The following CACNA1C variants were observed in gnomAD, a reference collection of about 807,000 sequenced individuals.
CACNA1C encodes voltage-dependent L-type calcium channel subunit alpha-1C.
Under a neutral mutation model 229.0 loss-of-function variants are expected in CACNA1C, and 30 were observed. The observed-to-expected ratio is 0.13, with a 90% CI of 0.10 to 0.18. The LOEUF is 0.18. Among genes scored for constraint, CACNA1C ranks in the 10% least tolerant of loss-of-function variants. The pLI is 1.00. For missense variants in CACNA1C, 1,658 were observed against 2,845.0 expected, an observed-to-expected ratio of 0.58 and a Z score of 9.49; for synonymous variants, 1,114 against 1,132.5, an observed-to-expected ratio of 0.98 and a Z score of 0.33.
chr12:2,367,030 CAT>C (rs1010864865), intron 3 of CACNA1C, among the ~76,000 whole-genome samples: 5 of 152,304 alleles, frequency 3.3e-5, no homozygotes, highest in African/African-American at 9.6e-5. Flanking sequence ...CCTCCACCGA[CAT>C]GTGGGGATTC....
At chr12:2,607,678 C>T (rs1481409144) in intron 26 of CACNA1C, among the ~76,000 whole-genome samples, 2 of 152,254 alleles carry the variant, frequency 1.3e-5, no homozygotes, top group South Asian at 2.1e-4. Context: ...TAGAGCAGCC[C>T]GTGGGCCTTG....
At chr12:2,433,726 C>T (rs912262027) in intron 3 of CACNA1C, among the ~76,000 whole-genome samples, 20 of 152,140 alleles carry the variant, frequency 1.3e-4, no homozygotes, top group African/African-American at 4.6e-4. Context: ...GAGACAAGAT[C>T]GGCCTCCGTC....
intron 34 of CACNA1C, among the ~76,000 whole-genome samples, chr12:2,658,723 C>T (rs926550703): frequency 2.0e-5 from 3 of 152,024 alleles, no homozygotes; most frequent in Non-Finnish European, 4.4e-5. Flanking sequence ...CAGCTCCATG[C>T]ATGTTAGTGC....
At chr12:2,561,176 C>T (rs2154592893) in intron 11 of CACNA1C, among the ~76,000 whole-genome samples, 1 of 152,324 alleles carries the variant, frequency 6.6e-6, no homozygotes, top group East Asian at 1.9e-4. Context: ...AAGTGTAAGA[C>T]ACAACCCGAT....
intron 1 of CACNA1C, among the ~76,000 whole-genome samples, chr12:2,055,278 G>C (rs569790214): frequency 1.8e-4 from 28 of 152,344 alleles, no homozygotes; most frequent in Admixed American, 7.8e-4. Context: ...TTTGTGAAGA[G>C]TGGGGATGCA....
intron 3 of CACNA1C, among the ~76,000 whole-genome samples, chr12:2,335,728 A>G (rs1170361475): frequency 6.6e-6 from 1 of 152,206 alleles, no homozygotes; most frequent in African/African-American, 2.4e-5. Context: ...ACCCAGAGTG[A>G]GGACATCTGC....
chr12:2,263,302 G>A lies in CACNA1C; in HGVS notation c.477+142872G>A, dbSNP rs182864430. ...AGTATGCCCAGCGTGTCTGGGAGCA[G>A]GAGGGCCAGGTGCGGAGGCCCTCAG... On this transcript the variant is annotated intron_variant, in intron 3 of 46. Coordinates refer to ENST00000399655, the MANE Select transcript of CACNA1C (RefSeq NM_000719.7). 2.5e-3 allele frequency among the ~76,000 whole-genome samples: 380 copies of A among 152,192 alleles called. 2 individuals are homozygous for A. The highest frequency in any genetic ancestry group is 8.8e-3 in the African/African-American group (366 of 41,496).
intron 43 of CACNA1C, among the ~76,000 whole-genome samples, chr12:2,683,330 GT>G (rs1246694469): frequency 6.6e-6 from 1 of 152,222 alleles, no homozygotes; most frequent in Non-Finnish European, 1.5e-5. Flanking sequence ...GCCAACAGAT[GT>G]GGCTATCTGG....
intron 3 of CACNA1C, among the ~76,000 whole-genome samples, chr12:2,333,154 C>T (rs564272305): frequency 6.6e-6 from 1 of 152,302 alleles, no homozygotes; most frequent in South Asian, 2.1e-4. Flanking sequence ...GGCACACCTA[C>T]AGGTCTTGAT....
rs149472110 is a variant in CACNA1C at position 2,424,374 on chromosome 12, G to T, written c.478-24602G>T. ...AAGTCAAGGGGGAGGGAGGGAAAAC[G>T]GGGAGAAGGTGAGAGAAACCACAGC... On this transcript the variant is annotated intron_variant, in intron 3 of 46. Transcript: ENST00000399655. Among the ~76,000 whole-genome samples, 10 of 152,278 alleles carry T rather than the reference G, an allele frequency of 6.6e-5. 1 individual carries two copies. The South Asian group carries it at 2.1e-3, about 32-fold the overall frequency.
At chr12:2,557,129 A>G (rs1463039897) in intron 11 of CACNA1C, among the ~76,000 whole-genome samples, 152 bp downstream of exon 11, 1 of 152,202 alleles carries the variant, frequency 6.6e-6, no homozygotes, top group Non-Finnish European at 1.5e-5. Context: ...GGCCATCAAG[A>G]AAAAGCTTAT....
intron 1 of CACNA1C, among the ~76,000 whole-genome samples, chr12:2,036,331 A>G (rs1165042785): frequency 2.6e-5 from 4 of 152,166 alleles, no homozygotes; most frequent in African/African-American, 9.7e-5. Context: ...ACTTCAGGGT[A>G]GGCGCTCTGA....
intron 3 of CACNA1C, among the ~76,000 whole-genome samples, chr12:2,365,852 G>A (rs1251702800): frequency 6.6e-6 from 1 of 152,190 alleles, no homozygotes; most frequent in Non-Finnish European, 1.5e-5. Context: ...GGGAATGGGT[G>A]AATTGAGAGG....
intron 3 of CACNA1C, among the ~76,000 whole-genome samples, chr12:2,424,116 C>T (rs2099005475): frequency 6.6e-6 from 1 of 152,252 alleles, no homozygotes; most frequent in Non-Finnish European, 1.5e-5. Flanking sequence ...TCTGGTGCCT[C>T]ATTAATGGCG....
At chr12:2,659,114 C>T (rs980579550) in intron 34 of CACNA1C, among the ~76,000 whole-genome samples, 2 of 152,130 alleles carry the variant, frequency 1.3e-5, no homozygotes, top group Admixed American at 6.5e-5. Context: ...TGTACGGTAG[C>T]GTGCAGTCAT....
chr12:2,384,213 C>A (rs553623338), intron 3 of CACNA1C, among the ~76,000 whole-genome samples: 1 of 152,208 alleles, frequency 6.6e-6, no homozygotes, highest in East Asian at 1.9e-4. Context: ...GGCGGAGAAT[C>A]GCGGGTTACT....
At chr12:2,076,144 G>A (rs1166072654) in intron 1 of CACNA1C, among the ~76,000 whole-genome samples, 2 of 152,064 alleles carry the variant, frequency 1.3e-5, no homozygotes, top group African/African-American at 2.4e-5. Context: ...TGCCTTTCCT[G>A]ACTTGAGAAA....
chr12:2,232,969 A>G (rs920087388), intron 3 of CACNA1C, among the ~76,000 whole-genome samples: 3 of 152,160 alleles, frequency 2.0e-5, no homozygotes, highest in African/African-American at 7.2e-5. Context: ...TGGGACCACA[A>G]GATATTCCAG....
At chr12:2,235,912 C>T (rs1248748921) in intron 3 of CACNA1C, among the ~76,000 whole-genome samples, 2 of 152,200 alleles carry the variant, frequency 1.3e-5, no homozygotes, top group African/African-American at 4.8e-5. Flanking sequence ...AAGTGCTTTA[C>T]ATAAATGAAT....
Sources: gnomAD v4.1 joint callset for allele counts (sites outside exome capture counted in the v4.1 genomes callset) on GRCh38, gnomAD v4.1.1 for gene constraint, MANE v1.5 for transcripts, NCBI Gene and HGNC (gene_info 2026-07-23, HGNC 2026-07-21) for gene names.